Variants in TMTC2 observed in about 807,000 individuals in gnomAD.
TMTC2 encodes the protein protein O-mannosyl-transferase TMTC2.
In TMTC2, 43 loss-of-function variants were observed where a neutral mutation model predicts 82.4. The observed-to-expected ratio is 0.52, with a 90% CI of 0.41 to 0.67. The LOEUF (loss-of-function observed/expected upper bound fraction) is 0.67. TMTC2 is among the 30% of genes least tolerant of loss of function. The pLI is 0.00. For synonymous variants in TMTC2, 408 were observed against 381.9 expected, an observed-to-expected ratio of 1.07 and a Z score of -0.80; for missense variants, 919 against 1,012.4, an observed-to-expected ratio of 0.91 and a Z score of 1.25.
chr12:82,817,213 C>T (rs1049932618), intron 1 of TMTC2, among the ~76,000 whole-genome samples: 5 of 152,082 alleles, frequency 3.3e-5, no homozygotes, highest in African/African-American at 4.8e-5. Flanking sequence ...AGTTGATCCA[C>T]CTACCTCAGC....
chr12:82,970,218 G>A (rs978403927), intron 7 of TMTC2, among the ~76,000 whole-genome samples: 1 of 152,248 alleles, frequency 6.6e-6, no homozygotes, highest in Non-Finnish European at 1.5e-5. Context: ...GGTAATAGTA[G>A]TATCAGTGTG....
intron 10 of TMTC2, among the ~76,000 whole-genome samples, chr12:83,053,258 G>A (rs908731152): frequency 6.6e-6 from 1 of 151,980 alleles, no homozygotes; most frequent in African/African-American, 2.4e-5. Flanking sequence ...CTTTTCTCAG[G>A]AACTATGTCC....
At chr12:82,887,654 T>C (rs1311250727) in intron 2 of TMTC2, among the ~76,000 whole-genome samples, 5 of 152,232 alleles carry the variant, frequency 3.3e-5, no homozygotes, top group Admixed American at 3.3e-4. Context: ...TGTATGGCAG[T>C]TTCAGGAAAA....
intron 1 of TMTC2, among the ~76,000 whole-genome samples, chr12:82,776,114 T>A (rs987845760): frequency 6.6e-6 from 1 of 152,186 alleles, no homozygotes; most frequent in Non-Finnish European, 1.5e-5. Flanking sequence ...TTTCCAGTGT[T>A]ACCTACATAA....
intron 9 of TMTC2, among the ~76,000 whole-genome samples, chr12:83,031,790 G>C (rs1881439178): frequency 6.6e-6 from 1 of 152,062 alleles, no homozygotes; most frequent in Admixed American, 6.5e-5. Flanking sequence ...TAGAAGAATG[G>C]AAATAATAAA....
intron 4 of TMTC2, among the ~76,000 whole-genome samples, chr12:82,931,324 G>A (rs1241756982): frequency 5.3e-5 from 8 of 151,844 alleles, no homozygotes; most frequent in Admixed American, 5.2e-4. Context: ...GTTCTTTTTT[G>A]TTTTCCTTTT....
rs182639102 is a variant in TMTC2, at chr12:83,000,424, G to A, written c.2070+14378G>A. On this transcript the variant is annotated intron_variant, in intron 8 of 11. Transcript: ENST00000321196. ...GCTGGGATTACAGGCATGAGCCACC[G>A]CACCTTGCCAGGGCAGTCAAATCCT... Among the ~76,000 whole-genome samples the A allele has an allele frequency of 5.6e-4, 86 of 152,226 alleles. 1 individual carries two copies. The highest frequency in any genetic ancestry group is 3.3e-3 in the Admixed American group (50 of 15,294).
At chr12:82,691,999 AAACCT>A (rs1872599208) in intron 1 of TMTC2, among the ~76,000 whole-genome samples, 1 of 152,216 alleles carries the variant, frequency 6.6e-6, no homozygotes, top group Non-Finnish European at 1.5e-5. Flanking sequence ...TTGTTTAAAC[AAACCT>A]ATTTGGAAAA....
intron 3 of TMTC2, among the ~76,000 whole-genome samples, chr12:82,914,816 TA>T (rs1385329240): frequency 1.1e-3 from 156 of 136,696 alleles, no homozygotes; most frequent in African/African-American, 4.1e-3. Flanking sequence ...ACAACTCACT[TA>T]TTTTTTTTTT....
rs1202854853 is a variant in TMTC2, at chr12:83,134,338, G to A, written c.*1949G>A. On this transcript the variant is annotated 3_prime_UTR_variant, in exon 12 of 12. Coordinates refer to ENST00000321196, the MANE Select transcript of TMTC2 (RefSeq NM_152588.3). Reference sequence around the variant, plus strand: ...ATAAGGCTATAGAGATTAATTCAGTGTCTAACATTTGTATTTATTTAAATA... The same window carrying A: ...ATAAGGCTATAGAGATTAATTCAGTATCTAACATTTGTATTTATTTAAATA... 1 of 151,538 alleles carries A rather than the reference G, an allele frequency of 6.6e-6. No homozygotes were observed. The highest frequency in any genetic ancestry group is 1.5e-5 in the Non-Finnish European group (1 of 67,848). 9.4% of individuals were successfully genotyped at this position (151,538 alleles called of 1,614,324 possible).
At chr12:82,884,169 G>A (rs1229776781) in intron 2 of TMTC2, among the ~76,000 whole-genome samples, 1 of 152,184 alleles carries the variant, frequency 6.6e-6, no homozygotes, top group Non-Finnish European at 1.5e-5. Flanking sequence ...GAAGGGGCTT[G>A]CCATGGGTAC....
intron 10 of TMTC2, among the ~76,000 whole-genome samples, chr12:83,056,512 T>G (rs1480468480): frequency 6.6e-6 from 1 of 151,934 alleles, no homozygotes; most frequent in East Asian, 1.9e-4. Flanking sequence ...AAACGCTAAC[T>G]TCTTTATACA....
intron 1 of TMTC2, among the ~76,000 whole-genome samples, chr12:82,762,873 C>T (rs970261868): frequency 6.6e-6 from 1 of 151,666 alleles, no homozygotes; most frequent in Non-Finnish European, 1.5e-5. Context: ...AAGATGCATT[C>T]CTCTCAAATA....
chr12:82,755,375 G>A (rs1304583753), intron 1 of TMTC2, among the ~76,000 whole-genome samples: 7 of 152,084 alleles, frequency 4.6e-5, no homozygotes. Context: ...AGTTCAAGAG[G>A]GGCTGCTCAC....
At chr12:82,699,663 T>C (rs1872979207) in intron 1 of TMTC2, among the ~76,000 whole-genome samples, 2 of 152,202 alleles carry the variant, frequency 1.3e-5, no homozygotes, top group Admixed American at 1.3e-4. Flanking sequence ...TTAACACAGG[T>C]GCAGGGTGGC....
In TMTC2 at chr12:83,134,391, C is replaced by T. The variant is rs952065836; in HGVS notation, c.*2002C>T. 2 of 151,842 alleles carry T rather than the reference C, an allele frequency of 1.3e-5. No individual in the cohort carries two copies. The highest frequency in any genetic ancestry group is 1.3e-4 in the Admixed American group (2 of 15,218). The allele number at this position is 151,842 out of a possible 1,614,324, so 9.4% of individuals were successfully genotyped here. Reference sequence around the variant, plus strand: ...TATTGACCTATGATGACTTTCTAGTCTTAACATTTTATCTTTTTATTGTTG... The same window carrying T: ...TATTGACCTATGATGACTTTCTAGTTTTAACATTTTATCTTTTTATTGTTG... On this transcript the variant is annotated 3_prime_UTR_variant, in exon 12 of 12. Coordinates refer to ENST00000321196, the MANE Select transcript of TMTC2 (RefSeq NM_152588.3).
At chr12:83,045,047 T>G (rs1014591619) in intron 9 of TMTC2, among the ~76,000 whole-genome samples, 3 of 152,220 alleles carry the variant, frequency 2.0e-5, no homozygotes, top group Admixed American at 2.0e-4. Context: ...TTGGTAAAAA[T>G]CTACTGAGTA....
At position 83,132,277 on chromosome 12, in the gene TMTC2, C is replaced by G; in HGVS notation, c.2399C>G (p.Ala800Gly). Reference protein sequence around the residue: ...HLNGRLQKAEANYLRALQLKP... With the variant: ...HLNGRLQKAEGNYLRALQLKP... ...AATGGCAGACTCCAGAAGGCCGAGG[C>G]CAACTACCTGCGGGCCCTGCAGCTC... Residue 800 changes from alanine (A) to glycine (G), a missense_variant, in exon 12 of 12, where the codon GCC (alanine) becomes GGC (glycine). Physicochemically the swap from Ala to Gly is moderately conservative, Grantham distance 60 (BLOSUM62 0). Transcript: ENST00000321196. The G allele has an allele frequency of 6.2e-7, 1 of 1,613,950 alleles. No individual in the cohort carries two copies. Among genetic ancestry groups the G allele is most frequent in the Non-Finnish European group, 8.5e-7 (1 of 1,179,944 alleles).
At chr12:82,939,377 C>G (rs897779163) in intron 4 of TMTC2, among the ~76,000 whole-genome samples, 6 of 151,932 alleles carry the variant, frequency 3.9e-5, no homozygotes, top group Non-Finnish European at 8.8e-5. Flanking sequence ...AAAAAAATCC[C>G]TAAGTTCTCT....
Sources: allele counts gnomAD v4.1 joint callset (sites outside exome capture counted in the v4.1 genomes callset), GRCh38; gene constraint gnomAD v4.1.1; transcripts MANE v1.5; gene names NCBI Gene and HGNC (gene_info 2026-07-23, HGNC 2026-07-21).